MESP1: variants seen among roughly 807,000 people sequenced by gnomAD.
MESP1 encodes mesoderm posterior bHLH transcription factor 1, also known as mesoderm posterior protein 1.
In MESP1, 22 loss-of-function variants were observed where a neutral mutation model predicts 15.2. The observed-to-expected ratio is 1.45, with a 90% CI of 1.04 to 2.07. The LOEUF (loss-of-function observed/expected upper bound fraction) is 2.07. Ranked by LOEUF, MESP1 falls within the 30% of genes most tolerant of loss-of-function variation. MESP1 has a pLI of 0.00. For synonymous variants in MESP1, 216 were observed against 192.6 expected, an observed-to-expected ratio of 1.12 and a Z score of -1.01; for missense variants, 484 against 411.9, an observed-to-expected ratio of 1.17 and a Z score of -1.51.
At chr15:89,737,660 T>A in the MESP1 span, 1 of 1,614,050 alleles carries the variant, frequency 6.2e-7, no homozygotes, top group Non-Finnish European at 8.5e-7. Context: ...TCCGGGAGCC[T>A]TTCCTCTGGA....
chr15:89,737,990 C>T, the MESP1 span: 1 of 1,545,050 alleles, frequency 6.5e-7, no homozygotes. Context: ...CCACAGAGCC[C>T]ACTGAGAAAG....
downstream of MESP1, among the ~76,000 whole-genome samples, chr15:89,746,001 CTCCACACATACACACCTCCACACAGCA>C (rs1331010725): frequency 6.7e-5 from 10 of 150,012 alleles, no homozygotes; most frequent in African/African-American, 2.2e-4. Flanking sequence ...GCATACACAC[CTCCACACATACACACCTCCACACAGCA>C]TCCACACTTT....
At chr15:89,750,275 G>C (rs369773536) in intron 1 of MESP1, 48 bp from the exon 2 acceptor site, 142 of 1,605,718 alleles carry the variant, frequency 8.8e-5, no homozygotes, top group African/African-American at 1.3e-4. Context: ...TGGTGGCCTT[G>C]TGCGGGTGTC....
downstream of MESP1, among the ~76,000 whole-genome samples, chr15:89,745,923 CTCCTCCCAACA>C: frequency 1.2e-5 from 1 of 81,280 alleles, no homozygotes; most frequent in Admixed American, 1.1e-4. This position sits in a 1 kb window ranked among gnomAD's most constrained non-coding sequence, Gnocchi z 4.8. Flanking sequence ...CACACCTCCA[CTCCTCCCAACA>C]GGATCCACAC....
At chr15:89,744,317 C>G in the MESP1 span, among the ~76,000 whole-genome samples, 1 of 152,180 alleles carries the variant, frequency 6.6e-6, no homozygotes, top group Non-Finnish European at 1.5e-5. Context: ...GACTGTCCCC[C>G]GGGATGAAGG....
chr15:89,737,805 T>G, the MESP1 span: 2 of 1,573,086 alleles, frequency 1.3e-6, no homozygotes, highest in Admixed American at 1.8e-5. Flanking sequence ...AGAGAGCCCC[T>G]CCGATCTCCT....
At chr15:89,743,813 C>G in the MESP1 span, among the ~76,000 whole-genome samples, 1 of 152,174 alleles carries the variant, frequency 6.6e-6, no homozygotes, top group South Asian at 2.1e-4. Context: ...GTTTTCCCCA[C>G]CCATTTCTCC....
Position 89,750,662 on chromosome 15 carries a change from GC to G in MESP1, c.569del (p.Gly190AlafsTer89). On this transcript the variant is annotated frameshift_variant, in exon 1 of 2. Transcript: ENST00000300057. LOFTEE classifies it high-confidence loss of function. ...CCCCGGCGCGGACGGCGGATACCAGGCCCAGCCCGCGCCCCTGCCCCTGCCC... is the reference window on the plus strand; with the variant it reads ...CCCCGGCGCGGACGGCGGATACCAGGCCAGCCCGCGCCCCTGCCCCTGCCC... ...AEGQGQGRGL[G>X]LVSAVRAGAS... 1 of 1,362,998 alleles carries G rather than the reference GC, an allele frequency of 7.3e-7. No homozygotes were observed. The highest frequency in any genetic ancestry group is 2.6e-4 in the Middle Eastern group (1 of 3,876). 84.4% of individuals were successfully genotyped at this position (1,362,998 alleles called of 1,614,324 possible).
the MESP1 span, among the ~76,000 whole-genome samples, chr15:89,738,540 T>C: frequency 2.7e-5 from 4 of 150,342 alleles, no homozygotes; most frequent in African/African-American, 9.8e-5. Flanking sequence ...GGCAGGAGAA[T>C]TGCTTAAACC....
the MESP1 span, among the ~76,000 whole-genome samples, chr15:89,738,834 G>T: frequency 6.6e-6 from 1 of 151,888 alleles, no homozygotes; most frequent in African/African-American, 2.4e-5. Context: ...GTATGTTTAG[G>T]CCAGGCCCGG....
At chr15:89,738,599 C>T in the MESP1 span, among the ~76,000 whole-genome samples, 7 of 147,736 alleles carry the variant, frequency 4.7e-5, no homozygotes, top group Non-Finnish European at 8.9e-5. Flanking sequence ...TGCACTCCAG[C>T]CTAGGTGACA....
downstream of MESP1, among the ~76,000 whole-genome samples, chr15:89,747,272 T>G (rs763501970): frequency 3.9e-5 from 6 of 152,310 alleles, no homozygotes; most frequent in Non-Finnish European, 8.8e-5. Context: ...GTGCGTCAGC[T>G]TCTGCCTGTA....
the MESP1 span, among the ~76,000 whole-genome samples, chr15:89,734,477 A>G: frequency 6.6e-6 from 1 of 152,178 alleles, no homozygotes; most frequent in Admixed American, 6.6e-5. Flanking sequence ...GGAGAGGGCA[A>G]CCATAGCACA....
the MESP1 span, among the ~76,000 whole-genome samples, chr15:89,732,506 T>C: frequency 6.6e-6 from 1 of 152,202 alleles, no homozygotes; most frequent in African/African-American, 2.4e-5. Flanking sequence ...AGCATTATTA[T>C]AGAAGCAAAA....
chr15:89,750,421 C>A (rs1164012890), intron 1 of MESP1, 88 bp downstream of exon 1: 1 of 1,457,828 alleles, frequency 6.9e-7, no homozygotes, highest in Admixed American at 2.4e-5. Context: ...CGGCGGGGAG[C>A]AGCAGGGTGC....
At chr15:89,736,756 G>A in the MESP1 span, among the ~76,000 whole-genome samples, 1 of 151,750 alleles carries the variant, frequency 6.6e-6, no homozygotes, top group African/African-American at 2.4e-5. Context: ...GGGGAAAGTG[G>A]TGTGGCAGCT....
the MESP1 span, among the ~76,000 whole-genome samples, chr15:89,742,680 C>A: frequency 6.6e-6 from 1 of 152,148 alleles, no homozygotes; most frequent in South Asian, 2.1e-4. Context: ...ATTACAGGCA[C>A]GTGCCACCAC....
chr15:89,733,342 G>A, the MESP1 span: 1 of 903,486 alleles, frequency 1.1e-6, no homozygotes, highest in South Asian at 1.8e-5. Flanking sequence ...TCACTCTCCT[G>A]GTGAGCTTCT....
At position 89,750,001 on chromosome 15, in the gene MESP1, G is replaced by T; in HGVS notation, c.*143C>A. The T allele has an allele frequency of 1.3e-6, 1 of 786,296 alleles. No homozygotes were observed. Among genetic ancestry groups the T allele is most frequent in the East Asian group, 2.5e-5 (1 of 39,736 alleles). The allele number at this position is 786,296 out of a possible 1,614,324, so 48.7% of individuals were successfully genotyped here. On this transcript the variant is annotated 3_prime_UTR_variant, in exon 2 of 2. Coordinates refer to ENST00000300057, the MANE Select transcript of MESP1 (RefSeq NM_018670.4). ...GGGGCTGAGAAGGGCCGCCGCGGTG[G>T]GGACGGCTCTCACCCGCAGGAATGC... is the stretch of plus-strand genomic sequence containing the variant.
Sources: gnomAD v4.1 joint callset for allele counts (sites outside exome capture counted in the v4.1 genomes callset) on GRCh38, gnomAD v4.1.1 for gene constraint, Gnocchi (gnomAD v3.1) non-coding constraint, MANE v1.5 for transcripts, NCBI Gene and HGNC (gene_info 2026-07-23, HGNC 2026-07-21) for gene names.